DNAH6: variants seen among roughly 807,000 people sequenced by gnomAD.
The protein encoded by DNAH6 is dynein axonemal heavy chain 6.
Under a neutral mutation model 491.4 loss-of-function variants are expected in DNAH6, and 340 were observed. The ratio of observed to expected loss-of-function variants is 0.69; its 90% CI spans 0.63 to 0.76. The LOEUF (loss-of-function observed/expected upper bound fraction) is 0.76, where lower values mean the gene tolerates loss of function less well. Among genes scored for constraint, DNAH6 ranks in the 30% least tolerant of loss-of-function variants. DNAH6 has a pLI of 0.00. For missense variants in DNAH6, 4,443 were observed against 4,972.2 expected (o/e 0.89, Z 3.20); for synonymous variants, 1,603 against 1,686.1 (o/e 0.95, Z 1.21).
intron 10 of DNAH6, among the ~76,000 whole-genome samples, chr2:84,553,383 TTCTTTCTTTC>T (rs1679649880): frequency 1.5e-5 from 2 of 132,494 alleles, no homozygotes; most frequent in Non-Finnish European, 3.2e-5. Context: ...CTTTCTTTCT[TTCTTTCTTTC>T]TTTCTTTCTT....
At chr2:84,478,337 G>A in the DNAH6 span, among the ~76,000 whole-genome samples, 1 of 152,322 alleles carries the variant, frequency 6.6e-6, no homozygotes, top group South Asian at 2.1e-4. Flanking sequence ...AGCAGAGGCA[G>A]ATTCTTTCCT....
intron 70 of DNAH6, among the ~76,000 whole-genome samples, chr2:84,805,161 CA>C (rs1679301405): frequency 6.6e-6 from 1 of 152,042 alleles, no homozygotes; most frequent in South Asian, 2.1e-4. Context: ...TGTTGCTCAA[CA>C]AAAAAATTTT....
chr2:84,787,433 C>G, intron 68 of DNAH6, 131 bp downstream of exon 68: 1 of 655,734 alleles, frequency 1.5e-6, no homozygotes, highest in South Asian at 2.3e-5. Context: ...TTTTATGTTC[C>G]TTGTGTGAAG....
chr2:84,813,892 CT>C, intron 74 of DNAH6, 78 bp from the exon 75 acceptor site: 1 of 1,453,022 alleles, frequency 6.9e-7, no homozygotes, highest in Non-Finnish European at 9.4e-7. Flanking sequence ...CCAGGGCAGC[CT>C]GGTTTGGATG....
intron 40 of DNAH6, among the ~76,000 whole-genome samples, chr2:84,673,822 G>T (rs1692972404): frequency 2.0e-5 from 3 of 150,916 alleles, no homozygotes; most frequent in African/African-American, 2.5e-5. Context: ...CACAATTAAG[G>T]GTTGGTTAAG....
the DNAH6 span, among the ~76,000 whole-genome samples, chr2:84,500,987 T>TTGAA: frequency 6.6e-6 from 1 of 152,200 alleles, no homozygotes; most frequent in Non-Finnish European, 1.5e-5. Context: ...ATAATTTGAC[T>TTGAA]TATTCCTTTC....
At chr2:84,677,517 A>G (rs931730954) in intron 41 of DNAH6, among the ~76,000 whole-genome samples, 3 of 152,252 alleles carry the variant, frequency 2.0e-5, no homozygotes, top group African/African-American at 7.2e-5. Flanking sequence ...TCCACTTGCC[A>G]CCAAACTTGG....
At chr2:84,697,198 C>T (rs567032280) in intron 46 of DNAH6, among the ~76,000 whole-genome samples, 1 of 152,306 alleles carries the variant, frequency 6.6e-6, no homozygotes, top group African/African-American at 2.4e-5. Context: ...TAAACTATCT[C>T]TGTCCGTGCA....
rs112712194 is a variant in DNAH6, at chr2:84,819,085, A to AAAG, written c.12374-220_12374-219insAAG. On this transcript the variant is annotated intron_variant, in intron 76 of 76. Coordinates refer to ENST00000389394, the MANE Select transcript of DNAH6 (RefSeq NM_001370.2). ...GTGAGACCCTGTCTCGAAAAAAAAA[A>AAAG]TTCTATGAAGTCTAAGCTGGACAAG... Among the ~76,000 whole-genome samples the AAAG allele has an allele frequency of 0.085, 12,963 of 152,064 alleles. 1,134 individuals are homozygous for AAAG. The highest frequency in any genetic ancestry group is 0.22 in the African/African-American group (9,269 of 41,386).
chr2:84,610,281 A>T (rs917090370), intron 21 of DNAH6, among the ~76,000 whole-genome samples: 10 of 152,296 alleles, frequency 6.6e-5, no homozygotes, highest in African/African-American at 2.4e-4. Context: ...AAGAAAAAGG[A>T]TCCTAGCAAG....
intron 64 of DNAH6, among the ~76,000 whole-genome samples, chr2:84,779,063 T>A (rs1676422806): frequency 6.6e-6 from 1 of 152,228 alleles, no homozygotes; most frequent in Admixed American, 6.5e-5. Context: ...GTTGAGCATG[T>A]GGTTGATCTT....
chr2:84,778,356 T>C (rs1573782404), intron 64 of DNAH6: 2 of 373,724 alleles, frequency 5.4e-6, no homozygotes, highest in South Asian at 6.3e-5. Context: ...GATTTTGGGG[T>C]CCCAATTTCA....
In DNAH6 at chr2:84,653,947, A is replaced by G. The variant is rs937183866; in HGVS notation, c.5634+73A>G. 1.8e-5 allele frequency: 22 copies of G among 1,238,688 alleles called. 1 individual carries two copies. In the South Asian group the frequency reaches 3.3e-4, roughly 19 times the overall value. 76.7% of individuals were successfully genotyped at this position (1,238,688 alleles called of 1,614,324 possible). ...TACTATCGTTACATTTTTTTCTCAC[A>G]CTGATGTAGCCTTTACTATCTATAA... On this transcript the variant is annotated intron_variant, in intron 34 of 76. Transcript: ENST00000389394.
rs573479083 is a variant in DNAH6 at position 84,663,014 on chromosome 2, C to T, written c.6084+3845C>T. ...CCTCCAGCAAATTCCAACAGACCTT[C>T]GGCTGAGGGTCCTGACTGTTAGAAG... is the stretch of plus-strand genomic sequence containing the variant. On this transcript the variant is annotated intron_variant, in intron 37 of 76. Coordinates refer to ENST00000389394, the MANE Select transcript of DNAH6 (RefSeq NM_001370.2). Among the ~76,000 whole-genome samples the T allele has an allele frequency of 1.3e-3, 202 of 152,284 alleles. 1 individual carries two copies. Among genetic ancestry groups the T allele is most frequent in the Non-Finnish European group, 2.4e-3 (165 of 68,018 alleles).
intron 71 of DNAH6, 48 bp downstream of exon 71, chr2:84,805,842 A>G: frequency 6.6e-7 from 1 of 1,511,908 alleles, no homozygotes; most frequent in Non-Finnish European, 8.9e-7. Flanking sequence ...TTTTAGGAAT[A>G]AACTCAGAGA....
chr2:84,800,638 C>G (rs1250705589), intron 70 of DNAH6, among the ~76,000 whole-genome samples: 2 of 151,836 alleles, frequency 1.3e-5, no homozygotes, highest in African/African-American at 4.8e-5. Context: ...CAGATTAGAC[C>G]AAGCAGAAGA....
At chr2:84,574,522 G>T (rs1682234599) in intron 12 of DNAH6, among the ~76,000 whole-genome samples, 1 of 152,056 alleles carries the variant, frequency 6.6e-6, no homozygotes, top group Admixed American at 6.6e-5. Context: ...GTATCTGATT[G>T]TTATGTCCCT....
intron 33 of DNAH6, among the ~76,000 whole-genome samples, chr2:84,647,077 C>A (rs1385072494): frequency 6.6e-6 from 1 of 152,050 alleles, no homozygotes; most frequent in Non-Finnish European, 1.5e-5. Context: ...GAACTCCTGG[C>A]CTCAAGTGAT....
At chr2:84,475,471 G>C in the DNAH6 span, among the ~76,000 whole-genome samples, 1 of 152,174 alleles carries the variant, frequency 6.6e-6, no homozygotes, top group African/African-American at 2.4e-5. Context: ...TTGATTGATG[G>C]TAGCTCTTGC....
Sources: gnomAD v4.1 joint callset for allele counts (sites outside exome capture counted in the v4.1 genomes callset) on GRCh38, gnomAD v4.1.1 for gene constraint, MANE v1.5 for transcripts, NCBI Gene and HGNC (gene_info 2026-07-23, HGNC 2026-07-21) for gene names.